NLN: variants seen among roughly 807,000 people sequenced by gnomAD.
NLN encodes the protein neurolysin, mitochondrial.
In NLN, 64 loss-of-function variants were observed where a neutral mutation model predicts 79.9. The observed-to-expected ratio is 0.80, with a 90% CI of 0.65 to 0.99. The LOEUF (loss-of-function observed/expected upper bound fraction) is 0.99. Ranked by LOEUF, NLN falls within the 50% of genes least tolerant of loss-of-function variation. The pLI is 0.00. For synonymous variants in NLN, 267 were observed against 296.6 expected, an observed-to-expected ratio of 0.90 and a Z score of 1.02; for missense variants, 835 against 858.7, an observed-to-expected ratio of 0.97 and a Z score of 0.34.
Position 65,762,999 on chromosome 5 carries a change from CT to C in NLN, c.342del (p.Asp115ThrfsTer22), listed in dbSNP as rs912039986. On this transcript the variant is annotated frameshift_variant, in exon 3 of 13. Transcript: ENST00000380985. LOFTEE classifies it high-confidence loss of function. ...CTAGACTTTCCCCAGCATGTATCCT[CT>C]GACAAAGAAGTACGAGCAGCAAGTA... ...TMLDFPQHVS[S>X]DKEVRAASTE... 2 of 1,613,874 alleles carry C rather than the reference CT, an allele frequency of 1.2e-6. No homozygotes were observed. The highest frequency in any genetic ancestry group is 1.7e-6 in the Non-Finnish European group (2 of 1,179,950).
intron 11 of NLN, among the ~76,000 whole-genome samples, chr5:65,810,965 T>C (rs139157412): frequency 0.011 from 1,734 of 152,186 alleles, 31 homozygotes; most frequent in African/African-American, 0.04. Flanking sequence ...GGTGACACAG[T>C]GAGACCCTGT....
rs1758317331 is a variant in NLN at position 65,722,218 on chromosome 5, G to C, written c.-156G>C. The C allele has an allele frequency of 2.5e-6, 1 of 397,254 alleles. No homozygotes were observed. Among genetic ancestry groups the C allele is most frequent in the Non-Finnish European group, 4.3e-6 (1 of 230,988 alleles). The allele number at this position is 397,254 out of a possible 1,614,324, so 24.6% of individuals were successfully genotyped here. On this transcript the variant is annotated 5_prime_UTR_variant, in exon 1 of 13. Transcript: ENST00000380985. ...GGCGGGGCTGGTAGGCGCCGGCGTG[G>C]AGCTGCCGCACGTGGGAGGGCGCTG...
rs574350763 is a variant in NLN, at chr5:65,787,803, T to A, written c.959-315T>A. Among the ~76,000 whole-genome samples, 3 of 152,352 alleles carry A rather than the reference T, an allele frequency of 2.0e-5. No homozygotes were observed. In the South Asian group the frequency reaches 6.2e-4, roughly 32 times the overall value. The stretch of plus-strand genomic sequence containing the variant: ...CTAGTGCTTTTTTCCCTGAATAACA[T>A]TCTTCAGTCAGCGTTCTCTGAGATA... On this transcript the variant is annotated intron_variant, in intron 7 of 12. Coordinates refer to ENST00000380985, the MANE Select transcript of NLN (RefSeq NM_020726.5).
Position 65,828,695 on chromosome 5 carries a change from G to C in NLN, c.*5780G>C, listed in dbSNP as rs186109942. ...GCTGTGGAAAGCCTGTAGCTGCCAG[G>C]AGTGTTACAGAGGGCATTCCTCCCT... On this transcript the variant is annotated 3_prime_UTR_variant, in exon 13 of 13. Transcript: ENST00000380985. 8 of 152,344 alleles carry C rather than the reference G, an allele frequency of 5.3e-5. No individual in the cohort carries two copies. The highest frequency in any genetic ancestry group is 1.9e-4 in the African/African-American group (8 of 41,596). 9.4% of individuals were successfully genotyped at this position (152,344 alleles called of 1,614,324 possible). A position where few individuals can be genotyped will look rare whatever the true frequency, so the allele number is the denominator to read the frequency against.
intron 1 of NLN, among the ~76,000 whole-genome samples, chr5:65,730,639 C>T (rs749299341): frequency 2.6e-5 from 4 of 151,888 alleles, no homozygotes; most frequent in East Asian, 1.9e-4. Flanking sequence ...TCACTGCAAC[C>T]TCCTCCTCCT....
chr5:65,740,853 A>G (rs1758852126), intron 1 of NLN: 1 of 159,070 alleles, frequency 6.3e-6, no homozygotes, highest in Non-Finnish European at 1.3e-5. Flanking sequence ...TTATATATAT[A>G]TAATATATAC....
intron 1 of NLN, among the ~76,000 whole-genome samples, chr5:65,735,245 G>A (rs1758706140): frequency 6.6e-6 from 1 of 152,160 alleles, no homozygotes; most frequent in African/African-American, 2.4e-5. Context: ...CAGCCATGCT[G>A]AACTGTGAAT....
chr5:65,725,528 T>G (rs975795477), intron 1 of NLN, among the ~76,000 whole-genome samples: 1 of 152,360 alleles, frequency 6.6e-6, no homozygotes, highest in South Asian at 2.1e-4. Flanking sequence ...CTTCCTAATG[T>G]TGACATATTT....
intron 1 of NLN, among the ~76,000 whole-genome samples, chr5:65,731,165 C>T (rs1379362059): frequency 6.6e-6 from 1 of 152,190 alleles, no homozygotes; most frequent in Non-Finnish European, 1.5e-5. Flanking sequence ...GACGTCTCGT[C>T]CTCCAAGAAG....
rs937151583 is a variant in NLN, at chr5:65,826,980, T to C, written c.*4065T>C. ...CGAAAAACAGTCAACGTCCAAAAAG[T>C]TTATTTTTTGAGTCACCTTTAATAG... On this transcript the variant is annotated 3_prime_UTR_variant, in exon 13 of 13. Coordinates refer to ENST00000380985, the MANE Select transcript of NLN (RefSeq NM_020726.5). 3.3e-5 allele frequency: 5 copies of C among 151,366 alleles called. No individual in the cohort carries two copies. Among genetic ancestry groups the C allele is most frequent in the African/African-American group, 7.3e-5 (3 of 41,148 alleles). 9.4% of individuals were successfully genotyped at this position (151,366 alleles called of 1,614,324 possible). A position where few individuals can be genotyped will look rare whatever the true frequency, so the allele number is the denominator to read the frequency against.
chr5:65,753,029 T>C (rs764294310), intron 1 of NLN, among the ~76,000 whole-genome samples: 1 of 152,194 alleles, frequency 6.6e-6, no homozygotes, highest in African/African-American at 2.4e-5. Context: ...CCTTGGAAAC[T>C]ATAAAACATA....
intron 9 of NLN, among the ~76,000 whole-genome samples, chr5:65,798,789 T>C (rs939521239): frequency 1.3e-5 from 2 of 152,182 alleles, no homozygotes; most frequent in African/African-American, 4.8e-5. Context: ...TATTTGGGAA[T>C]GTGCTTATTT....
intron 6 of NLN, among the ~76,000 whole-genome samples, chr5:65,784,266 A>G (rs1234657310): frequency 1.6e-5 from 2 of 124,988 alleles, no homozygotes; most frequent in African/African-American, 5.3e-5. Flanking sequence ...TTTCATTGCT[A>G]AGAAAATAAT....
At chr5:65,768,575 A>G (rs1043660263) in intron 3 of NLN, among the ~76,000 whole-genome samples, 8 of 152,252 alleles carry the variant, frequency 5.3e-5, no homozygotes, top group African/African-American at 1.4e-4. Flanking sequence ...CTGGGCTGCC[A>G]TAACAAAATA....
At chr5:65,780,719 G>A (rs961517718) in intron 5 of NLN, among the ~76,000 whole-genome samples, 1 of 152,036 alleles carries the variant, frequency 6.6e-6, no homozygotes, top group African/African-American at 2.4e-5. Flanking sequence ...CTGTTGCCAG[G>A]CTGGAGTGCG....
intron 7 of NLN, 53 bp downstream of exon 7, chr5:65,785,963 A>G: frequency 6.5e-7 from 1 of 1,538,092 alleles, no homozygotes; most frequent in Admixed American, 1.8e-5. Context: ...TGTCAACCAG[A>G]CAGAAGGCCT....
intron 9 of NLN, among the ~76,000 whole-genome samples, chr5:65,797,094 G>A (rs1446541027): frequency 6.6e-6 from 1 of 152,214 alleles, no homozygotes; most frequent in Non-Finnish European, 1.5e-5. Flanking sequence ...TTTGAAGATA[G>A]CAATCAAGAG....
At chr5:65,735,451 C>T (rs756071551) in intron 1 of NLN, among the ~76,000 whole-genome samples, 10 of 152,128 alleles carry the variant, frequency 6.6e-5, no homozygotes, top group Admixed American at 3.3e-4. Context: ...TCACCATTTA[C>T]GCAAGTCCAA....
intron 1 of NLN, among the ~76,000 whole-genome samples, chr5:65,745,011 A>G (rs1034156417): frequency 6.6e-6 from 1 of 152,200 alleles, no homozygotes; most frequent in African/African-American, 2.4e-5. Context: ...TTGATTACCT[A>G]TGAACAGTTC....
Sources: allele counts gnomAD v4.1 joint callset (sites outside exome capture counted in the v4.1 genomes callset), GRCh38; gene constraint gnomAD v4.1.1; transcripts MANE v1.5; gene names NCBI Gene and HGNC (gene_info 2026-07-23, HGNC 2026-07-21).